The following CNTNAP2 variants were observed in gnomAD, a reference collection of about 807,000 sequenced individuals.
CNTNAP2 encodes the protein contactin-associated protein-like 2.
CNTNAP2 carries 98 observed loss-of-function variants against 155.2 expected under a neutral mutation model. That is an observed-to-expected ratio of 0.63 (90% CI 0.54 to 0.75). The LOEUF is 0.75. Ranked by LOEUF, CNTNAP2 falls within the 30% of genes least tolerant of loss-of-function variation. The pLI, the probability that CNTNAP2 is intolerant of heterozygous loss-of-function variation, is 0.00. For synonymous variants in CNTNAP2, 651 were observed against 631.2 expected (o/e 1.03, Z -0.47); for missense variants, 1,727 against 1,688.1 (o/e 1.02, Z -0.40).
chr7:146,762,784 A>G (rs1802125922), intron 1 of CNTNAP2, among the ~76,000 whole-genome samples: 2 of 152,158 alleles, frequency 1.3e-5, no homozygotes, highest in Non-Finnish European at 1.5e-5. Context: ...CATGTCTTAC[A>G]TGGTGGCAGG....
At chr7:148,007,403 G>A (rs1802000684) in intron 15 of CNTNAP2, among the ~76,000 whole-genome samples, 1 of 152,056 alleles carries the variant, frequency 6.6e-6, no homozygotes, top group African/African-American at 2.4e-5. Context: ...CTTTTATGTT[G>A]ACAATATAGA....
chr7:148,051,603 A>T (rs1370170767), intron 15 of CNTNAP2, among the ~76,000 whole-genome samples: 1 of 152,250 alleles, frequency 6.6e-6, no homozygotes, highest in Admixed American at 6.5e-5. Context: ...TGAAACTGGC[A>T]ATTTAAATGA....
intron 13 of CNTNAP2, among the ~76,000 whole-genome samples, chr7:147,748,204 G>T (rs1797076863): frequency 1.3e-5 from 2 of 152,178 alleles, no homozygotes; most frequent in Admixed American, 1.3e-4. Flanking sequence ...ACTCAATGAT[G>T]TTTAAGAAAG....
At chr7:146,119,713 C>T (rs2116715741) in intron 1 of CNTNAP2, among the ~76,000 whole-genome samples, 1 of 152,184 alleles carries the variant, frequency 6.6e-6, no homozygotes, top group South Asian at 2.1e-4. Flanking sequence ...TGAATTTTCA[C>T]TTAAATAAAT....
intron 1 of CNTNAP2, among the ~76,000 whole-genome samples, chr7:146,648,953 G>A (rs897167561): frequency 1.3e-5 from 2 of 151,930 alleles, no homozygotes; most frequent in African/African-American, 4.8e-5. Flanking sequence ...ACAGATGATG[G>A]GAAATACCGC....
intron 13 of CNTNAP2, among the ~76,000 whole-genome samples, chr7:147,661,257 T>A (rs1352038452): frequency 1.3e-5 from 2 of 151,840 alleles, no homozygotes; most frequent in Non-Finnish European, 2.9e-5. Flanking sequence ...GCCGTGTCAT[T>A]TTTTTTTGTA....
At chr7:147,073,284 T>A in intron 4 of CNTNAP2, among the ~76,000 whole-genome samples, 1 of 146,892 alleles carries the variant, frequency 6.8e-6, no homozygotes, top group Non-Finnish European at 1.5e-5. Context: ...CTGGAGAGCA[T>A]CATCCTTAGT....
At chr7:147,693,481 C>T (rs1796119358) in intron 13 of CNTNAP2, among the ~76,000 whole-genome samples, 3 of 152,036 alleles carry the variant, frequency 2.0e-5, no homozygotes, top group South Asian at 4.2e-4. Flanking sequence ...TACATATCAG[C>T]TGTTCATTTC....
At chr7:147,805,825 G>A (rs111301742) in intron 13 of CNTNAP2, among the ~76,000 whole-genome samples, 15 of 152,230 alleles carry the variant, frequency 9.9e-5, no homozygotes, top group African/African-American at 3.6e-4. Context: ...CATTTGATTT[G>A]CTAGTATTTT....
intron 4 of CNTNAP2, among the ~76,000 whole-genome samples, chr7:147,103,186 G>T (rs576945592): frequency 6.6e-6 from 1 of 152,224 alleles, no homozygotes; most frequent in East Asian, 1.9e-4. Context: ...ACTGTTTTAA[G>T]TGCTGGGCTT....
chr7:146,670,373 C>CT (rs1222951382), intron 1 of CNTNAP2, among the ~76,000 whole-genome samples: 2 of 152,098 alleles, frequency 1.3e-5, no homozygotes, highest in Non-Finnish European at 2.9e-5. Context: ...ATGCCATGGA[C>CT]TTTTTTTCTG....
chr7:146,678,718 T>C (rs1800447803), intron 1 of CNTNAP2, among the ~76,000 whole-genome samples: 1 of 152,174 alleles, frequency 6.6e-6, no homozygotes, highest in Non-Finnish European at 1.5e-5. Context: ...ATTCATACAT[T>C]ATAAAAACCA....
intron 11 of CNTNAP2, chr7:147,496,951 T>A (rs1050557004): frequency 6.6e-6 from 1 of 152,186 alleles, no homozygotes; most frequent in African/African-American, 2.4e-5. Context: ...GGGGCGAAAT[T>A]ATCCATCCAC....
intron 12 of CNTNAP2, among the ~76,000 whole-genome samples, chr7:147,637,529 G>A (rs1420138187): frequency 2.6e-5 from 4 of 152,040 alleles, no homozygotes; most frequent in African/African-American, 4.8e-5. Context: ...TCTCTCTTGC[G>A]CTCTGTCTCT....
intron 3 of CNTNAP2, among the ~76,000 whole-genome samples, chr7:146,932,030 C>A (rs1193777117): frequency 6.7e-6 from 1 of 150,326 alleles, no homozygotes; most frequent in African/African-American, 2.4e-5. Flanking sequence ...TGGTACCATT[C>A]CTTCTGAAAC....
At chr7:146,132,679 T>A (rs1481316503) in intron 1 of CNTNAP2, among the ~76,000 whole-genome samples, 1 of 151,378 alleles carries the variant, frequency 6.6e-6, no homozygotes, top group East Asian at 2.0e-4. Context: ...GGTTTTTTGT[T>A]CTTGCGATAG....
intron 8 of CNTNAP2, among the ~76,000 whole-genome samples, chr7:147,202,590 C>G (rs1802944190): frequency 6.6e-6 from 1 of 151,900 alleles, no homozygotes; most frequent in Admixed American, 6.6e-5. Flanking sequence ...GAAAATGTGG[C>G]ACATATACAC....
chr7:147,945,852 CTT>C (rs979428228), intron 14 of CNTNAP2, among the ~76,000 whole-genome samples: 1 of 143,612 alleles, frequency 7.0e-6, no homozygotes. Flanking sequence ...CTTTTCTTTT[CTT>C]TTTTTTTCTT....
At chr7:148,065,150 G>T (rs1803230117) in intron 15 of CNTNAP2, among the ~76,000 whole-genome samples, 1 of 152,144 alleles carries the variant, frequency 6.6e-6, no homozygotes, top group Non-Finnish European at 1.5e-5. Flanking sequence ...TGTAGTCTGA[G>T]AAAGTACTTG....
Sources: gnomAD v4.1 joint callset for allele counts (sites outside exome capture counted in the v4.1 genomes callset) on GRCh38, gnomAD v4.1.1 for gene constraint, MANE v1.5 for transcripts, NCBI Gene and HGNC (gene_info 2026-07-23, HGNC 2026-07-21) for gene names.